Variants in PPP4C observed in about 807,000 individuals in gnomAD.
PPP4C encodes the protein protein phosphatase 4 catalytic subunit.
A neutral mutation model predicts 40.5 loss-of-function variants in PPP4C; 10 were observed. The ratio of observed to expected loss-of-function variants is 0.25; its 90% confidence interval spans 0.15 to 0.42. PPP4C has a LOEUF of 0.42. Ranked by LOEUF, PPP4C falls within the 10% of genes least tolerant of loss-of-function variation. The probability of loss-of-function intolerance (pLI) is 1.00; values close to 1 mark genes in which losing one functional copy is unlikely to be tolerated. For missense variants in PPP4C, 191 were observed against 416.4 expected (o/e 0.46, Z 4.71); for synonymous variants, 187 against 163.6 (o/e 1.14, Z -1.09).
At chr16:30,082,701 T>A in intron 4 of PPP4C, 45 bp from the exon 5 acceptor site, 1 of 1,569,862 alleles carries the variant, frequency 6.4e-7, no homozygotes, top group African/African-American at 1.4e-5. Context: ...AGGTAGGGGG[T>A]AGGGGACTGT....
chr16:30,083,327 G>C lies in PPP4C; in HGVS notation c.304-67G>C. ...GAGGATGGCAGGCTGGCGGGCACGA[G>C]GAGGTCAGAGAGGGATGTGTGGAGA... On this transcript the variant is annotated intron_variant, in intron 5 of 8. Coordinates refer to ENST00000279387, the MANE Select transcript of PPP4C (RefSeq NM_002720.3). The surrounding 1 kb of genome is among the most constrained non-coding windows in gnomAD (Gnocchi z 6.3). 6.5e-7 allele frequency: 1 copy of C among 1,533,956 alleles called. No homozygotes were observed. The highest frequency in any genetic ancestry group is 2.3e-5 in the East Asian group (1 of 44,120).
intron 8 of PPP4C, 34 bp from the exon 9 acceptor site, chr16:30,084,899 G>A (rs1404223669): frequency 2.2e-5 from 35 of 1,613,570 alleles, no homozygotes; most frequent in Non-Finnish European, 2.9e-5. Flanking sequence ...CATCTGAGCC[G>A]AGCTGCTCCT....
chr16:30,083,224 G>T lies in PPP4C; in HGVS notation c.304-170G>T. ...GGGTCAGCTTTACATTCTCTGGAGG[G>T]GTCGTGTGGGCCTGGGAGGTGGCTG... is the stretch of plus-strand genomic sequence containing the variant. On this transcript the variant is annotated intron_variant, in intron 5 of 8. Coordinates refer to ENST00000279387, the MANE Select transcript of PPP4C (RefSeq NM_002720.3). The surrounding 1 kb of genome is among the most constrained non-coding windows in gnomAD (Gnocchi z 6.3). 1 of 728,568 alleles carries T rather than the reference G, an allele frequency of 1.4e-6. No homozygotes were observed. Among genetic ancestry groups the T allele is most frequent in the East Asian group, 2.5e-5 (1 of 40,172 alleles). The allele number at this position is 728,568 out of a possible 1,614,324, so 45.1% of individuals were successfully genotyped here.
At chr16:30,078,742 C>G (rs939352685) in intron 2 of PPP4C, among the ~76,000 whole-genome samples, 1 of 152,222 alleles carries the variant, frequency 6.6e-6, no homozygotes, top group Non-Finnish European at 1.5e-5. Flanking sequence ...GAGAGCTGAG[C>G]TTTTGAATCA....
rs1232094313 is a variant in PPP4C, at chr16:30,082,865, C to G, written c.303+18C>G. 1.2e-6 allele frequency: 2 copies of G among 1,609,790 alleles called. No homozygotes were observed. Among genetic ancestry groups the G allele is most frequent in the Admixed American group, 1.7e-5 (1 of 59,902 alleles). On this transcript the variant is annotated intron_variant, in intron 5 of 8. Coordinates refer to ENST00000279387, the MANE Select transcript of PPP4C (RefSeq NM_002720.3). Reference sequence around the variant, plus strand: ...CACTTAAGGTGGCAGTCCCCGGCTTCTGCACCCCCAACCTGGGCGACCTCG... The same window carrying G: ...CACTTAAGGTGGCAGTCCCCGGCTTGTGCACCCCCAACCTGGGCGACCTCG...
chr16:30,080,558 G>C (rs1397058173), intron 2 of PPP4C, among the ~76,000 whole-genome samples: 1 of 145,248 alleles, frequency 6.9e-6, no homozygotes, highest in Non-Finnish European at 1.5e-5. Context: ...CCAGGCTGGA[G>C]TGCAGTGGCG....
rs371236777 is a variant in PPP4C at position 30,084,661 on chromosome 16, A to G, written c.605-5A>G. The stretch of plus-strand genomic sequence containing the variant: ...TCCCTCTCCATCCCTCCCTTTCCGC[A>G]TCAGACACCACAGGCTGGGGCGTGA... On this transcript the variant is annotated splice_polypyrimidine_tract_variant and splice_region_variant and intron_variant, in intron 7 of 8. Transcript: ENST00000279387. 2.9e-4 allele frequency: 460 copies of G among 1,613,606 alleles called. No individual in the cohort carries two copies. Among genetic ancestry groups the G allele is most frequent in the Non-Finnish European group, 3.7e-4 (438 of 1,179,668 alleles).
intron 7 of PPP4C, 130 bp from the exon 8 acceptor site, chr16:30,084,536 G>T: frequency 1.3e-6 from 1 of 782,074 alleles, no homozygotes. Flanking sequence ...CCATATTCAG[G>T]CCCCATGCTC....
rs550653735 is a variant in PPP4C at position 30,081,820 on chromosome 16, C to T, written c.150+510C>T. On this transcript the variant is annotated intron_variant, in intron 3 of 8. Coordinates refer to ENST00000279387, the MANE Select transcript of PPP4C (RefSeq NM_002720.3). ...CTGTAATCCCAGCACTTTGGGAGGC[C>T]GAGGCAGGTGGATCATGAGGTCAGG... 3.2e-4 allele frequency: 51 copies of T among 158,866 alleles called. No individual in the cohort carries two copies. The East Asian group carries it at 5.3e-3, about 16-fold the overall frequency. 9.8% of individuals were successfully genotyped at this position (158,866 alleles called of 1,614,324 possible).
At chr16:30,080,464 A>G (rs1449172501) in intron 2 of PPP4C, among the ~76,000 whole-genome samples, 2 of 151,474 alleles carry the variant, frequency 1.3e-5, no homozygotes, top group East Asian at 3.9e-4. Flanking sequence ...TTAAGTCCTC[A>G]TAGTCATAAA....
intron 2 of PPP4C, among the ~76,000 whole-genome samples, chr16:30,080,344 C>CAA (rs766436567): frequency 1.4e-3 from 61 of 45,062 alleles, no homozygotes; most frequent in Middle Eastern, 0.011. Flanking sequence ...GACTCTGTCT[C>CAA]AAAAAAAAAA....
chr16:30,077,049 A>G lies in PPP4C; in HGVS notation c.98+574A>G, dbSNP rs558408717. On this transcript the variant is annotated intron_variant, in intron 2 of 8. Transcript: ENST00000279387. ...AGGTGGAGTTGGATCATTCACGTTC[A>G]GGGTGGGAGCCTGAGAAATCGTAGC... 9.9e-5 allele frequency among the ~76,000 whole-genome samples: 15 copies of G among 152,228 alleles called. No homozygotes were observed. The South Asian group carries it at 3.1e-3, about 32-fold the overall frequency.
At chr16:30,082,304 A>T (rs1044459309) in intron 3 of PPP4C, among the ~76,000 whole-genome samples, 180 bp from the exon 4 acceptor site, 1 of 152,182 alleles carries the variant, frequency 6.6e-6, no homozygotes, top group East Asian at 1.9e-4. Flanking sequence ...GGTACTCAGC[A>T]TAGGACAGTG....
Position 30,081,086 on chromosome 16 carries a change from G to A in PPP4C, c.99-173G>A, listed in dbSNP as rs573608333. The A allele has an allele frequency of 1.4e-5, 11 of 784,398 alleles. No individual in the cohort carries two copies. The South Asian group carries it at 1.6e-4, about 12-fold the overall frequency. 48.6% of individuals were successfully genotyped at this position (784,398 alleles called of 1,614,324 possible). A position where few individuals can be genotyped will look rare whatever the true frequency, so the allele number is the denominator to read the frequency against. ...CTTTTGGCAGCAGGGGGCCACGGAA[G>A]GGTGTTGCATGCTGAAGGGCCGTGG... is the stretch of plus-strand genomic sequence containing the variant. On this transcript the variant is annotated intron_variant, in intron 2 of 8. Transcript: ENST00000279387.
At chr16:30,076,612 C>A in intron 2 of PPP4C, 137 bp downstream of exon 2, 1 of 835,630 alleles carries the variant, frequency 1.2e-6, no homozygotes, top group Non-Finnish European at 1.9e-6. Flanking sequence ...AGCCGCTGCC[C>A]TCGAGGAAAA....
At position 30,076,234 on chromosome 16, in the gene PPP4C, C is replaced by A. The variant is rs2072389358; in HGVS notation, c.-63-81C>A. 4 of 813,140 alleles carry A rather than the reference C, an allele frequency of 4.9e-6. No individual in the cohort carries two copies. The Admixed American group carries it at 8.1e-5, about 17-fold the overall frequency. 50.4% of individuals were successfully genotyped at this position (813,140 alleles called of 1,614,324 possible). Reference sequence around the variant, plus strand: ...GTGAGGGGAGGCGGGGGTGGGGGAGCCGGGCCGGCTCTAGAATCGAGTTGT... The same window carrying A: ...GTGAGGGGAGGCGGGGGTGGGGGAGACGGGCCGGCTCTAGAATCGAGTTGT... On this transcript the variant is annotated intron_variant, in intron 1 of 8. Transcript: ENST00000279387.
rs2072395906 is a variant in PPP4C at position 30,076,373 on chromosome 16, G to A, written c.-5G>A. 2 of 1,612,376 alleles carry A rather than the reference G, an allele frequency of 1.2e-6. No homozygotes were observed. The highest frequency in any genetic ancestry group is 1.3e-5 in the African/African-American group (1 of 74,934). ...CCCGACTCTGACCCGCGCCGGGGGTGGGCCATGGCGGAGATCAGCGACCTG... is the reference window on the plus strand; with the variant it reads ...CCCGACTCTGACCCGCGCCGGGGGTAGGCCATGGCGGAGATCAGCGACCTG... On this transcript the variant is annotated 5_prime_UTR_variant, in exon 2 of 9. Transcript: ENST00000279387.
intron 3 of PPP4C, 48 bp from the exon 4 acceptor site, chr16:30,082,436 G>C (rs749255667): frequency 3.8e-6 from 6 of 1,558,884 alleles, no homozygotes. Context: ...GGTAGTCCCT[G>C]GCAACTCCCA....
At chr16:30,081,456 T>C in intron 3 of PPP4C, 146 bp downstream of exon 3, 1 of 666,184 alleles carries the variant, frequency 1.5e-6, no homozygotes, top group Non-Finnish European at 2.5e-6. Context: ...CTAAAAGAAG[T>C]GGGGGTTGCT....
Sources: allele counts gnomAD v4.1 joint callset (sites outside exome capture counted in the v4.1 genomes callset), GRCh38; gene constraint gnomAD v4.1.1; non-coding constraint Gnocchi (gnomAD v3.1); transcripts MANE v1.5; gene names NCBI Gene and HGNC (gene_info 2026-07-23, HGNC 2026-07-21).